The following FRMD4A variants were observed in gnomAD, a reference collection of about 807,000 sequenced individuals.
FRMD4A encodes the protein FERM domain containing 4A.
FRMD4A carries 29 observed loss-of-function variants against 129.1 expected under a neutral mutation model. The ratio of observed to expected loss-of-function variants is 0.22; its 90% CI spans 0.17 to 0.31. The LOEUF is 0.31. Ranked by LOEUF, FRMD4A falls within the 10% of genes least tolerant of loss-of-function variation. The pLI is 1.00. For synonymous variants in FRMD4A, 634 were observed against 571.6 expected, an observed-to-expected ratio of 1.11 and a Z score of -1.56; for missense variants, 1,272 against 1,375.8, an observed-to-expected ratio of 0.92 and a Z score of 1.19.
At chr10:14,298,277 G>A (rs750807976) in intron 2 of FRMD4A, among the ~76,000 whole-genome samples, 15 of 152,182 alleles carry the variant, frequency 9.9e-5, no homozygotes, top group Admixed American at 3.9e-4. Flanking sequence ...CAGTACACCA[G>A]TAAAGTAGGG....
rs559115675 is a variant in FRMD4A at position 13,800,037 on chromosome 10, C to T, written c.207-3449G>A. Among the ~76,000 whole-genome samples, 6 of 151,840 alleles carry T rather than the reference C, an allele frequency of 4.0e-5. 1 individual carries two copies. The highest frequency in any genetic ancestry group is 1.4e-4 in the African/African-American group (6 of 41,402). ...TACTAAAAAAAAATACAAAAATTAG[C>T]CAGGCGTGGTGGCACATGCCTGTAA... is the stretch of plus-strand genomic sequence containing the variant. On this transcript the variant is annotated intron_variant, in intron 4 of 24. Coordinates refer to ENST00000357447, the MANE Select transcript of FRMD4A (RefSeq NM_018027.5).
intron 2 of FRMD4A, among the ~76,000 whole-genome samples, chr10:13,999,545 GATCCCTCCA>G (rs1225606176): frequency 6.6e-6 from 1 of 152,146 alleles, no homozygotes; most frequent in Non-Finnish European, 1.5e-5. Context: ...GTGTCTGAAT[GATCCCTCCA>G]ATCCCTCCAA....
At chr10:13,977,802 T>C (rs1408486456) in intron 2 of FRMD4A, among the ~76,000 whole-genome samples, 1 of 152,226 alleles carries the variant, frequency 6.6e-6, no homozygotes, top group African/African-American at 2.4e-5. Context: ...TCAAGATTCA[T>C]CCATATTGTA....
chr10:14,120,886 G>A (rs1157539298), intron 2 of FRMD4A, among the ~76,000 whole-genome samples: 1 of 152,204 alleles, frequency 6.6e-6, no homozygotes, highest in East Asian at 1.9e-4. Flanking sequence ...ACATGGCACT[G>A]AGGTGTGGGC....
At chr10:13,656,552 G>A (rs1227784848) in intron 22 of FRMD4A, 84 bp downstream of exon 22, 27 of 1,299,726 alleles carry the variant, frequency 2.1e-5, no homozygotes, top group Non-Finnish European at 2.5e-5. Context: ...CAGTCCTAAG[G>A]GTACCTTCCC....
chr10:14,054,330 C>T (rs1252731905), intron 2 of FRMD4A, among the ~76,000 whole-genome samples: 5 of 152,128 alleles, frequency 3.3e-5, no homozygotes, highest in African/African-American at 9.7e-5. Flanking sequence ...ACCTCCCCTG[C>T]CCCAGCACTG....
chr10:13,981,728 G>A (rs1238820620), intron 2 of FRMD4A, among the ~76,000 whole-genome samples: 4 of 129,850 alleles, frequency 3.1e-5, no homozygotes, highest in African/African-American at 8.5e-5. Context: ...AACAGGGCAA[G>A]ACTCCGTGTC....
At chr10:14,261,932 A>T (rs1844814697) in intron 2 of FRMD4A, among the ~76,000 whole-genome samples, 1 of 135,968 alleles carries the variant, frequency 7.4e-6, no homozygotes, top group African/African-American at 2.9e-5. Context: ...TCCATTTCTC[A>T]CCACACCAAA....
intron 2 of FRMD4A, among the ~76,000 whole-genome samples, chr10:13,924,941 G>A (rs1256890681): frequency 6.6e-6 from 1 of 151,556 alleles, no homozygotes; most frequent in Admixed American, 6.6e-5. Context: ...GCGGGCGCCT[G>A]TAATCCCAGC....
intron 2 of FRMD4A, among the ~76,000 whole-genome samples, chr10:14,267,861 T>C (rs542826820): frequency 1.3e-5 from 2 of 152,324 alleles, no homozygotes; most frequent in South Asian, 2.1e-4. Context: ...TGTAGGATTG[T>C]TTTATAGGAA....
chr10:13,680,533 T>C (rs969704801), intron 15 of FRMD4A, among the ~76,000 whole-genome samples: 7 of 152,106 alleles, frequency 4.6e-5, no homozygotes, highest in African/African-American at 1.7e-4. Context: ...GAGACCAGCC[T>C]GGCCAACATG....
intron 2 of FRMD4A, among the ~76,000 whole-genome samples, chr10:14,127,907 TTTC>T (rs1838934952): frequency 1.2e-3 from 2 of 1,694 alleles, no homozygotes; most frequent in African/African-American, 8.2e-3. Context: ...TATATTTTGC[TTTC>T]TTTCTTTCTT....
intron 2 of FRMD4A, among the ~76,000 whole-genome samples, chr10:14,158,905 T>C (rs961932585): frequency 6.6e-6 from 1 of 150,884 alleles, no homozygotes; most frequent in African/African-American, 2.4e-5. Flanking sequence ...ATACCCACCA[T>C]GTGGATGAAG....
chr10:14,117,619 A>C (rs115036889), intron 2 of FRMD4A, among the ~76,000 whole-genome samples: 1,683 of 152,306 alleles, frequency 0.011, 22 homozygotes, highest in African/African-American at 0.038. Context: ...TGAAGGCTGA[A>C]GGTCACTAGA....
chr10:14,134,807 G>A (rs1839452820), intron 2 of FRMD4A, among the ~76,000 whole-genome samples: 1 of 152,160 alleles, frequency 6.6e-6, no homozygotes, highest in Non-Finnish European at 1.5e-5. Flanking sequence ...GACCCAAGGA[G>A]TGATTGGAAA....
At chr10:14,006,183 T>C (rs968390551) in intron 2 of FRMD4A, among the ~76,000 whole-genome samples, 44 of 152,160 alleles carry the variant, frequency 2.9e-4, no homozygotes, top group African/African-American at 1.0e-3. Context: ...TTTCAATTAG[T>C]TCCACTCTCC....
At chr10:14,213,595 C>A (rs919574144) in intron 2 of FRMD4A, among the ~76,000 whole-genome samples, 1 of 152,218 alleles carries the variant, frequency 6.6e-6, no homozygotes, top group Non-Finnish European at 1.5e-5. Context: ...TCTGCACAAA[C>A]AAAACCATCC....
At chr10:13,820,176 A>G (rs1232674172) in intron 3 of FRMD4A, among the ~76,000 whole-genome samples, 2 of 152,122 alleles carry the variant, frequency 1.3e-5, no homozygotes, top group Non-Finnish European at 2.9e-5. Context: ...GAAATTTGGG[A>G]GAGTGAGTTT....
chr10:14,134,259 G>GGATGGATGGATA (rs1839415791), intron 2 of FRMD4A, among the ~76,000 whole-genome samples: 1 of 151,836 alleles, frequency 6.6e-6, no homozygotes, highest in South Asian at 2.1e-4. Context: ...ATGGATGGAT[G>GGATGGATGGATA]GATGGATGGA....
Sources: gnomAD v4.1 joint callset for allele counts (sites outside exome capture counted in the v4.1 genomes callset) on GRCh38, gnomAD v4.1.1 for gene constraint, MANE v1.5 for transcripts, NCBI Gene and HGNC (gene_info 2026-07-23, HGNC 2026-07-21) for gene names.